The following FBN2 variants were observed in gnomAD, a reference collection of about 807,000 sequenced individuals.
FBN2 encodes fibrillin-2.
Under a neutral mutation model 355.6 loss-of-function variants are expected in FBN2, and 105 were observed. The observed-to-expected ratio is 0.30, with a 90% CI of 0.25 to 0.35. The LOEUF is 0.35. Ranked by LOEUF, FBN2 falls within the 10% of genes least tolerant of loss-of-function variation. FBN2 has a pLI of 1.00. For missense variants in FBN2, 3,280 were observed against 3,758.7 expected (o/e 0.87, Z 3.33); for synonymous variants, 1,350 against 1,301.2 (o/e 1.04, Z -0.81).
At chr5:128,502,669 A>T (rs768340117) in intron 5 of FBN2, among the ~76,000 whole-genome samples, 1 of 152,228 alleles carries the variant, frequency 6.6e-6, no homozygotes, top group Admixed American at 6.5e-5. Flanking sequence ...AATGTTGGTA[A>T]ATCAAGAAAT....
chr5:128,289,394 G>C (rs1385942815), intron 51 of FBN2, 142 bp from the exon 52 acceptor site: 2 of 807,474 alleles, frequency 2.5e-6, no homozygotes, highest in Non-Finnish European at 4.2e-6. Flanking sequence ...GACCAGCCTG[G>C]GCAACATGGC....
intron 4 of FBN2, among the ~76,000 whole-genome samples, chr5:128,520,299 C>G (rs558989282): frequency 6.6e-6 from 1 of 152,252 alleles, no homozygotes; most frequent in African/African-American, 2.4e-5. Flanking sequence ...TTCCCATGAT[C>G]CATAATGAAG....
chr5:128,455,575 G>A (rs556464395), intron 6 of FBN2, among the ~76,000 whole-genome samples: 31 of 152,208 alleles, frequency 2.0e-4, no homozygotes, highest in African/African-American at 7.2e-4. Flanking sequence ...AAAACAAAGA[G>A]TGTGAATCCT....
At chr5:128,293,515 A>G (rs963532379) in intron 48 of FBN2, among the ~76,000 whole-genome samples, 1 of 152,166 alleles carries the variant, frequency 6.6e-6, no homozygotes, top group African/African-American at 2.4e-5. Flanking sequence ...AATAAATTAA[A>G]ACCATTTTTT....
At chr5:128,511,494 T>C (rs1756127101) in intron 5 of FBN2, among the ~76,000 whole-genome samples, 1 of 152,216 alleles carries the variant, frequency 6.6e-6, no homozygotes, top group Non-Finnish European at 1.5e-5. Context: ...TCATCCTATT[T>C]CTTCTACTTG....
intron 48 of FBN2, among the ~76,000 whole-genome samples, chr5:128,298,039 C>CA (rs1192725305): frequency 1.3e-5 from 2 of 150,360 alleles, no homozygotes; most frequent in African/African-American, 2.4e-5. Flanking sequence ...CTGGTGGTGA[C>CA]AAAATCTCTC....
At chr5:128,523,459 T>C (rs1350382962) in intron 4 of FBN2, among the ~76,000 whole-genome samples, 1 of 152,162 alleles carries the variant, frequency 6.6e-6, no homozygotes, top group East Asian at 1.9e-4. Context: ...CTTCTTTAGC[T>C]ACAACAACTT....
chr5:128,339,601 AAAAG>A (rs532692159), intron 25 of FBN2, among the ~76,000 whole-genome samples: 10 of 152,294 alleles, frequency 6.6e-5, no homozygotes, highest in African/African-American at 2.4e-4. Context: ...AAGAAAAAGA[AAAAG>A]AAAGAAATGT....
At chr5:128,308,798 C>T (rs961314946) in intron 41 of FBN2, among the ~76,000 whole-genome samples, 7 of 151,986 alleles carry the variant, frequency 4.6e-5, no homozygotes, top group African/African-American at 1.4e-4. Flanking sequence ...ATGTAAAATT[C>T]GCTCATAAAA....
intron 62 of FBN2, among the ~76,000 whole-genome samples, chr5:128,264,081 G>C (rs191708677): frequency 5.3e-5 from 8 of 152,242 alleles, no homozygotes; most frequent in Non-Finnish European, 2.9e-5. Flanking sequence ...TCTTTTGGAG[G>C]TGATGAGAAT....
At chr5:128,496,781 A>G (rs1284094613) in intron 5 of FBN2, among the ~76,000 whole-genome samples, 1 of 151,748 alleles carries the variant, frequency 6.6e-6, no homozygotes, top group Non-Finnish European at 1.5e-5. Context: ...ATGAAAAAAT[A>G]TATTTAATAT....
In FBN2 at chr5:128,280,329, C is replaced by G; in HGVS notation, c.7013-12G>C. 1 of 1,599,390 alleles carries G rather than the reference C, an allele frequency of 6.3e-7. No homozygotes were observed. Among genetic ancestry groups the G allele is most frequent in the Non-Finnish European group, 8.6e-7 (1 of 1,167,562 alleles). ...GCATTCATTTTCATCTTTAGAAAAA[C>G]AAACAATATGAATAATGAGAAAACT... On this transcript the variant is annotated splice_polypyrimidine_tract_variant and intron_variant, in intron 55 of 64. Coordinates refer to ENST00000262464, the MANE Select transcript of FBN2 (RefSeq NM_001999.4).
intron 50 of FBN2, among the ~76,000 whole-genome samples, chr5:128,290,152 C>A (rs538434448): frequency 6.6e-6 from 1 of 152,306 alleles, no homozygotes; most frequent in African/African-American, 2.4e-5. Context: ...GCTCAGTGCT[C>A]CTGGTTCTTT....
chr5:128,502,644 T>C (rs1755850229), intron 5 of FBN2, among the ~76,000 whole-genome samples: 2 of 152,158 alleles, frequency 1.3e-5, no homozygotes, highest in East Asian at 3.8e-4. Flanking sequence ...GGTGGAGAGA[T>C]AAAAGAGATT....
chr5:128,311,903 T>A lies in FBN2; in HGVS notation c.4930A>T (p.Ile1644Phe). ...AGCTCACCTTCTAAAATGATTGTGA[T>A]GGGGTTAGGTCTGAAGCCTTCACCT... Reference protein sequence around the residue: ...PGGEGFRPNPITIILEDIDEC... With the variant: ...PGGEGFRPNPFTIILEDIDEC... The change falls in exon 38 of 65, where the codon ATC becomes TTC. Residue 1644 changes from isoleucine to phenylalanine, a missense_variant. Coordinates refer to ENST00000262464, the MANE Select transcript of FBN2 (RefSeq NM_001999.4). The A allele has an allele frequency of 6.2e-7, 1 of 1,611,368 alleles. No individual in the cohort carries two copies. The highest frequency in any genetic ancestry group is 8.5e-7 in the Non-Finnish European group (1 of 1,177,582).
At position 128,302,956 on chromosome 5, in the gene FBN2, C is replaced by T; in HGVS notation, c.5917+17G>A. Reference sequence around the variant, plus strand: ...GAAATGAAATAGAAGCAATAAAGGACTGAATGAAGTACTTACCCAGGCAAT... The same window carrying T: ...GAAATGAAATAGAAGCAATAAAGGATTGAATGAAGTACTTACCCAGGCAAT... On this transcript the variant is annotated intron_variant, in intron 46 of 64. Coordinates refer to ENST00000262464, the MANE Select transcript of FBN2 (RefSeq NM_001999.4). 7.9e-7 allele frequency: 1 copy of T among 1,265,216 alleles called. No individual in the cohort carries two copies. Among genetic ancestry groups the T allele is most frequent in the Non-Finnish European group, 1.2e-6 (1 of 861,218 alleles). The allele number at this position is 1,265,216 out of a possible 1,614,324, so 78.4% of individuals were successfully genotyped here. A position where few individuals can be genotyped will look rare whatever the true frequency, so the allele number is the denominator to read the frequency against.
At chr5:128,265,479 T>C (rs1239093127) in intron 62 of FBN2, among the ~76,000 whole-genome samples, 1 of 152,210 alleles carries the variant, frequency 6.6e-6, no homozygotes, top group East Asian at 1.9e-4. Context: ...AATAAATATG[T>C]TCCTGTCTGA....
chr5:128,447,478 A>T (rs1253851006), intron 6 of FBN2, among the ~76,000 whole-genome samples: 1 of 152,146 alleles, frequency 6.6e-6, no homozygotes, highest in Non-Finnish European at 1.5e-5. Context: ...CGTACTATGT[A>T]CCAGGATGAG....
At chr5:128,301,298 G>A (rs1749708926) in intron 47 of FBN2, 84 bp downstream of exon 47, 1 of 1,214,782 alleles carries the variant, frequency 8.2e-7, no homozygotes, top group Non-Finnish European at 1.2e-6. Context: ...ATATTAATGA[G>A]TTCTTAAGTG....
Sources: allele counts gnomAD v4.1 joint callset (sites outside exome capture counted in the v4.1 genomes callset), GRCh38; gene constraint gnomAD v4.1.1; transcripts MANE v1.5; gene names NCBI Gene and HGNC (gene_info 2026-07-23, HGNC 2026-07-21).